Variants in HRH3 observed in about 807,000 individuals in gnomAD.
HRH3 encodes histamine H3 receptor.
HRH3 carries 13 observed loss-of-function variants against 21.6 expected under a neutral mutation model. The ratio of observed to expected loss-of-function variants is 0.60; its 90% CI spans 0.39 to 0.96. HRH3 has a LOEUF of 0.96. Among genes scored for constraint, HRH3 ranks in the 40% least tolerant of loss-of-function variants. The pLI is 0.00. For synonymous variants in HRH3, 276 were observed against 290.3 expected (o/e 0.95, Z 0.50); for missense variants, 461 against 622.7 (o/e 0.74, Z 2.76).
At chr20:62,217,953 G>A (rs117569212) in intron 2 of HRH3, among the ~76,000 whole-genome samples, 110 of 152,286 alleles carry the variant, frequency 7.2e-4, no homozygotes, top group Non-Finnish European at 1.2e-3. Flanking sequence ...CCCTGGGGAC[G>A]TGAGCTGCCA....
Position 62,215,552 on chromosome 20 carries a change from C to G in HRH3, c.*454G>C. Reference sequence around the variant, plus strand: ...TGCAAGAGACAGAAGGCAGCAAAGGCAGTGTCCTGGGCTTGTCCGGGGAGA... The same window carrying G: ...TGCAAGAGACAGAAGGCAGCAAAGGGAGTGTCCTGGGCTTGTCCGGGGAGA... On this transcript the variant is annotated 3_prime_UTR_variant, in exon 3 of 3. Coordinates refer to ENST00000340177, the MANE Select transcript of HRH3 (RefSeq NM_007232.3). The G allele has an allele frequency of 2.3e-6, 1 of 443,746 alleles. No homozygotes were observed. The highest frequency in any genetic ancestry group is 4.5e-6 in the Non-Finnish European group (1 of 220,144). The allele number at this position is 443,746 out of a possible 1,614,324, so 27.5% of individuals were successfully genotyped here. A position where few individuals can be genotyped will look rare whatever the true frequency, so the allele number is the denominator to read the frequency against.
In HRH3 at chr20:62,218,601, C is replaced by CTGT; in HGVS notation, c.306_307insACA (p.Phe102_Gly103insThr). On this transcript the variant is annotated inframe_insertion, in exon 2 of 3. Coordinates refer to ENST00000340177, the MANE Select transcript of HRH3 (RefSeq NM_007232.3). This position sits in a 1 kb window ranked among gnomAD's most constrained non-coding sequence, Gnocchi z 5.6. Reference sequence around the variant, plus strand: ...AGCCACAGCTTGCAGAGGCCCCGGCCGAAGGTCCAGCGGCCTGTCAGCACG... The same window carrying CTGT: ...AGCCACAGCTTGCAGAGGCCCCGGCCTGTGAAGGTCCAGCGGCCTGTCAGCACG... 1.9e-6 allele frequency: 3 copies of CTGT among 1,612,422 alleles called. No individual in the cohort carries two copies. The highest frequency in any genetic ancestry group is 2.5e-6 in the Non-Finnish European group (3 of 1,179,924).
Position 62,216,621 on chromosome 20 carries a change from G to T in HRH3, c.723C>A (p.Gly241=), listed in dbSNP as rs1462813855. 1 of 1,611,448 alleles carries T rather than the reference G, an allele frequency of 6.2e-7. No homozygotes were observed. The highest frequency in any genetic ancestry group is 2.2e-5 in the East Asian group (1 of 44,818). ...GCTGGGCCTCGGGAGGGGGCTCGGGGCCGGCTGCCTCTCGAGCCCCATCCA... is the reference window on the plus strand; with the variant it reads ...GCTGGGCCTCGGGAGGGGGCTCGGGTCCGGCTGCCTCTCGAGCCCCATCCA... ...LRLDGAREAA[G]PEPPPEAQPS... is the part of the protein sequence containing the mutation. The change falls in exon 3 of 3, where the codon GGC becomes GGA. Residue 241 remains glycine (G), a synonymous_variant. Transcript: ENST00000340177.
rs765827097 is a variant in HRH3, at chr20:62,216,471, G to A, written c.873C>T (p.Leu291=). The A allele has an allele frequency of 1.1e-4, 171 of 1,552,772 alleles. No homozygotes were observed. Among genetic ancestry groups the A allele is most frequent in the Non-Finnish European group, 1.3e-4 (154 of 1,148,432 alleles). The change falls in exon 3 of 3, where the codon CTC becomes CTT. Residue 291 remains leucine (L), a synonymous_variant. Coordinates refer to ENST00000340177, the MANE Select transcript of HRH3 (RefSeq NM_007232.3). The part of the protein sequence containing the change: ...AVGAEAGEAT[L]GGGGGGGSVA... Reference sequence around the variant, plus strand: ...CGGAGCCGCCCCCACCGCCACCCCCGAGGGTCGCCTCCCCGGCCTCAGCGC... The same window carrying A: ...CGGAGCCGCCCCCACCGCCACCCCCAAGGGTCGCCTCCCCGGCCTCAGCGC...
chr20:62,215,988 G>T lies in HRH3; in HGVS notation c.*18C>A. ...TGGGCTGAGAGAGGCGTGGCTGAGGGAGGCTCTGGTGGGCCACTCACTTCC... is the reference window on the plus strand; with the variant it reads ...TGGGCTGAGAGAGGCGTGGCTGAGGTAGGCTCTGGTGGGCCACTCACTTCC... On this transcript the variant is annotated 3_prime_UTR_variant, in exon 3 of 3. Coordinates refer to ENST00000340177, the MANE Select transcript of HRH3 (RefSeq NM_007232.3). The T allele has an allele frequency of 6.5e-7, 1 of 1,545,486 alleles. No homozygotes were observed. The highest frequency in any genetic ancestry group is 8.7e-7 in the Non-Finnish European group (1 of 1,143,202).
In HRH3 at chr20:62,219,563, G is replaced by GC. The variant is rs1568807279; in HGVS notation, c.250+157dup. Among the ~76,000 whole-genome samples the GC allele has an allele frequency of 1.3e-5, 2 of 152,024 alleles. No homozygotes were observed. The highest frequency in any genetic ancestry group is 4.8e-5 in the African/African-American group (2 of 41,406). On this transcript the variant is annotated intron_variant, in intron 1 of 2. Transcript: ENST00000340177. The surrounding 1 kb of genome is among the most constrained non-coding windows in gnomAD (Gnocchi z 8.7). ...CTGAGTGGCAAGGAACTTCGCCTGT[G>GC]CCCCCCACCCCATGGGCTCCGGACG...
chr20:62,219,609 C>G lies in HRH3; in HGVS notation c.250+112G>C. On this transcript the variant is annotated intron_variant, in intron 1 of 2. Transcript: ENST00000340177. This position sits in a 1 kb window ranked among gnomAD's most constrained non-coding sequence, Gnocchi z 8.7. ...GGACGCCCCCTTCCCAGGCCGGGTC[C>G]CCTGGTGGGGCGTGTGCCTGCGGGA... 7.3e-7 allele frequency: 1 copy of G among 1,366,666 alleles called. No homozygotes were observed. The highest frequency in any genetic ancestry group is 9.8e-7 in the Non-Finnish European group (1 of 1,024,920). 84.7% of individuals were successfully genotyped at this position (1,366,666 alleles called of 1,614,324 possible).
At position 62,219,428 on chromosome 20, in the gene HRH3, T is replaced by G. The variant is rs541509220; in HGVS notation, c.250+293A>C. ...TCCTAAGTCCGCAGCAGCCTTTGTTTGGCTACAGCGCAGGAGCCAGAGCTG... is the reference window on the plus strand; with the variant it reads ...TCCTAAGTCCGCAGCAGCCTTTGTTGGGCTACAGCGCAGGAGCCAGAGCTG... On this transcript the variant is annotated intron_variant, in intron 1 of 2. Transcript: ENST00000340177. The surrounding 1 kb of genome is among the most constrained non-coding windows in gnomAD (Gnocchi z 8.7). Among the ~76,000 whole-genome samples, 5 of 152,278 alleles carry G rather than the reference T, an allele frequency of 3.3e-5. No homozygotes were observed. The South Asian group carries it at 1.0e-3, about 32-fold the overall frequency.
At position 62,218,148 on chromosome 20, in the gene HRH3, G is replaced by A. The variant is rs779268854; in HGVS notation, c.417+343C>T. Among the ~76,000 whole-genome samples, 2 of 152,210 alleles carry A rather than the reference G, an allele frequency of 1.3e-5. No individual in the cohort carries two copies. The highest frequency in any genetic ancestry group is 2.9e-5 in the Non-Finnish European group (2 of 68,020). ...GTGTGTGTGTGCACGCTGCACACAC[G>A]CATGTGGGAGGGATGTCACCCAGGG... On this transcript the variant is annotated intron_variant, in intron 2 of 2. Coordinates refer to ENST00000340177, the MANE Select transcript of HRH3 (RefSeq NM_007232.3). This position sits in a 1 kb window ranked among gnomAD's most constrained non-coding sequence, Gnocchi z 5.6.
chr20:62,215,541 G>A lies in HRH3; in HGVS notation c.*465C>T, dbSNP rs946059770. On this transcript the variant is annotated 3_prime_UTR_variant, in exon 3 of 3. Transcript: ENST00000340177. ...CCTGAGGCTTATGCAAGAGACAGAAGGCAGCAAAGGCAGTGTCCTGGGCTT... is the reference window on the plus strand; with the variant it reads ...CCTGAGGCTTATGCAAGAGACAGAAAGCAGCAAAGGCAGTGTCCTGGGCTT... 1.3e-5 allele frequency: 6 copies of A among 446,060 alleles called. No individual in the cohort carries two copies. Among genetic ancestry groups the A allele is most frequent in the African/African-American group, 8.0e-5 (4 of 49,806 alleles). 27.6% of individuals were successfully genotyped at this position (446,060 alleles called of 1,614,324 possible).
Position 62,216,564 on chromosome 20 carries a change from G to T in HRH3, c.780C>A (p.Gly260=). The T allele has an allele frequency of 6.2e-7, 1 of 1,605,682 alleles. No homozygotes were observed. Among genetic ancestry groups the T allele is most frequent in the Non-Finnish European group, 8.5e-7 (1 of 1,176,388 alleles). Residue 260 remains glycine, a synonymous_variant, in exon 3 of 3, where the codon GGC becomes GGA. Coordinates refer to ENST00000340177, the MANE Select transcript of HRH3 (RefSeq NM_007232.3). ...CCTCCCCGTGCCCCTTCTGCCAGCA[G>T]CCCCAGCAGCCAGGCGGTGGGGGTG... ...PSPPPPPGCW[G]CWQKGHGEAM...
chr20:62,215,943 G>T lies in HRH3; in HGVS notation c.*63C>A. On this transcript the variant is annotated 3_prime_UTR_variant, in exon 3 of 3. Transcript: ENST00000340177. ...GAACGAGCCGGGTAGGGGGCAGCAG[G>T]GCCAGATGCCCAGGAGACCTGGGCT... The T allele has an allele frequency of 6.9e-7, 1 of 1,451,444 alleles. No homozygotes were observed. 89.9% of individuals were successfully genotyped at this position (1,451,444 alleles called of 1,614,324 possible).
intron 2 of HRH3, among the ~76,000 whole-genome samples, chr20:62,217,528 G>A (rs1246724376): frequency 6.6e-6 from 1 of 152,230 alleles, no homozygotes; most frequent in Non-Finnish European, 1.5e-5. Flanking sequence ...AGAGGGCAGG[G>A]CCCTCCTCAG....
At position 62,215,497 on chromosome 20, in the gene HRH3, GA is replaced by G; in HGVS notation, c.*508del. On this transcript the variant is annotated 3_prime_UTR_variant, in exon 3 of 3. Transcript: ENST00000340177. ...TGGGGGCAGAGAGAGTTGGTGGGAA[GA>G]GGGGTGAAAGGGCCAGGCCTGAGGC... 8.7e-6 allele frequency: 4 copies of G among 457,282 alleles called. No homozygotes were observed. The highest frequency in any genetic ancestry group is 1.8e-5 in the Non-Finnish European group (4 of 227,532). 28.3% of individuals were successfully genotyped at this position (457,282 alleles called of 1,614,324 possible). A position where few individuals can be genotyped will look rare whatever the true frequency, so the allele number is the denominator to read the frequency against.
chr20:62,219,578 G>T lies in HRH3; in HGVS notation c.250+143C>A. 1 of 1,050,502 alleles carries T rather than the reference G, an allele frequency of 9.5e-7. No individual in the cohort carries two copies. The highest frequency in any genetic ancestry group is 1.3e-6 in the Non-Finnish European group (1 of 761,252). The allele number at this position is 1,050,502 out of a possible 1,614,324, so 65.1% of individuals were successfully genotyped here. ...CTTCGCCTGTGCCCCCCACCCCATG[G>T]GCTCCGGACGCCCCCTTCCCAGGCC... On this transcript the variant is annotated intron_variant, in intron 1 of 2. Transcript: ENST00000340177. This position sits in a 1 kb window ranked among gnomAD's most constrained non-coding sequence, Gnocchi z 8.7.
chr20:62,218,127 G>A lies in HRH3; in HGVS notation c.417+364C>T, dbSNP rs1408146110. ...CCGCCTGCCTTCCCGGGGCCTGTGT[G>A]TGTGTGCACGCTGCACACACGCATG... On this transcript the variant is annotated intron_variant, in intron 2 of 2. Transcript: ENST00000340177. The surrounding 1 kb of genome is among the most constrained non-coding windows in gnomAD (Gnocchi z 5.6). Among the ~76,000 whole-genome samples the A allele has an allele frequency of 6.6e-6, 1 of 152,236 alleles. No individual in the cohort carries two copies. Among genetic ancestry groups the A allele is most frequent in the Non-Finnish European group, 1.5e-5 (1 of 68,030 alleles).
chr20:62,216,725 A>G lies in HRH3; in HGVS notation c.619T>C (p.Phe207Leu), dbSNP rs1340248550. ...YFLITASTLEFFTPFLSVTFF... is the reference protein window; with the variant it reads ...YFLITASTLELFTPFLSVTFF... ...GTGACGCTGAGGAAGGGCGTAAAGA[A>G]CTCCAGGGTGGAAGCCGTGATGAGG... Residue 207 changes from phenylalanine to leucine, a missense_variant, in exon 3 of 3, where the codon TTC (phenylalanine) becomes CTC (leucine). Coordinates refer to ENST00000340177, the MANE Select transcript of HRH3 (RefSeq NM_007232.3). 6.2e-7 allele frequency: 1 copy of G among 1,613,090 alleles called. No homozygotes were observed. Among genetic ancestry groups the G allele is most frequent in the Non-Finnish European group, 8.5e-7 (1 of 1,179,998 alleles).
At position 62,219,708 on chromosome 20, in the gene HRH3, G is replaced by A; in HGVS notation, c.250+13C>T. 2 of 1,591,348 alleles carry A rather than the reference G, an allele frequency of 1.3e-6. No individual in the cohort carries two copies. Among genetic ancestry groups the A allele is most frequent in the South Asian group, 2.3e-5 (2 of 88,780 alleles). ...GCCCCTGGGTCCCCAGCGGCCAGGG[G>A]CTGGGGATTTACCGACGAGGAAGTC... On this transcript the variant is annotated intron_variant, in intron 1 of 2. Coordinates refer to ENST00000340177, the MANE Select transcript of HRH3 (RefSeq NM_007232.3). The surrounding 1 kb of genome is among the most constrained non-coding windows in gnomAD (Gnocchi z 8.7).
rs946477572 is a variant in HRH3, at chr20:62,219,022, C to T, written c.251-365G>A. ...AGAAGACAATTTCCTTCTCCCCTCC[C>T]CCGCTGGACTCCAGCCCCTACCCTG... On this transcript the variant is annotated intron_variant, in intron 1 of 2. Coordinates refer to ENST00000340177, the MANE Select transcript of HRH3 (RefSeq NM_007232.3). The surrounding 1 kb of genome is among the most constrained non-coding windows in gnomAD (Gnocchi z 8.7). Among the ~76,000 whole-genome samples the T allele has an allele frequency of 3.3e-5, 5 of 152,078 alleles. No individual in the cohort carries two copies. The highest frequency in any genetic ancestry group is 5.9e-5 in the Non-Finnish European group (4 of 67,990).
Sources: gnomAD v4.1 joint callset for allele counts (sites outside exome capture counted in the v4.1 genomes callset) on GRCh38, gnomAD v4.1.1 for gene constraint, Gnocchi (gnomAD v3.1) non-coding constraint, MANE v1.5 for transcripts, NCBI Gene and HGNC (gene_info 2026-07-23, HGNC 2026-07-21) for gene names.